Variants in MIPOL1 observed in about 807,000 individuals in gnomAD.
The protein encoded by MIPOL1 is mirror-image polydactyly gene 1 protein.
A neutral mutation model predicts 60.9 loss-of-function variants in MIPOL1; 57 were observed. The observed-to-expected ratio is 0.94, with a 90% CI of 0.76 to 1.17. The LOEUF (loss-of-function observed/expected upper bound fraction) is 1.17, where lower values mean the gene tolerates loss of function less well. Ranked by LOEUF, MIPOL1 falls within the 50% of genes most tolerant of loss-of-function variation. MIPOL1 has a pLI of 0.00. For missense variants in MIPOL1, 551 were observed against 511.6 expected (o/e 1.08, Z -0.74); for synonymous variants, 179 against 168.8 (o/e 1.06, Z -0.47).
rs547114644 is a variant in MIPOL1 at position 37,260,535 on chromosome 14, G to A, written c.20-6403G>A. ...GAAGAATAATTACATAGTTGTGGTT[G>A]GTAATTAACTTGGTGGTGATATTGA... On this transcript the variant is annotated intron_variant, in intron 3 of 12. Coordinates refer to ENST00000684589, the MANE Select transcript of MIPOL1 (RefSeq NM_001388067.1). Among the ~76,000 whole-genome samples, 9 of 152,184 alleles carry A rather than the reference G, an allele frequency of 5.9e-5. No homozygotes were observed. The South Asian group carries it at 1.0e-3, about 18-fold the overall frequency.
chr14:37,399,234 C>T (rs1449491905), intron 10 of MIPOL1, among the ~76,000 whole-genome samples: 1 of 152,106 alleles, frequency 6.6e-6, no homozygotes, highest in African/African-American at 2.4e-5. Context: ...TCATGTGACC[C>T]AAGGTAACAG....
chr14:37,285,652 C>T (rs1319467835), intron 7 of MIPOL1, among the ~76,000 whole-genome samples: 2 of 149,618 alleles, frequency 1.3e-5, no homozygotes, highest in South Asian at 2.1e-4. Context: ...AGTGCAGTGG[C>T]GCAATCTCAG....
At chr14:37,546,082 G>A (rs2095546292) in intron 12 of MIPOL1, 1 of 155,412 alleles carries the variant, frequency 6.4e-6, no homozygotes, top group Non-Finnish European at 1.4e-5. Context: ...ATCATCTTTT[G>A]TCAAGCATCT....
chr14:37,422,242 C>T (rs1397531312), intron 10 of MIPOL1, among the ~76,000 whole-genome samples: 1 of 151,862 alleles, frequency 6.6e-6, no homozygotes, highest in African/African-American at 2.4e-5. Context: ...CAATAATGCC[C>T]CTTTAATAAA....
At chr14:37,432,349 CT>C (rs2094086765) in intron 11 of MIPOL1, among the ~76,000 whole-genome samples, 1 of 152,140 alleles carries the variant, frequency 6.6e-6, no homozygotes. Context: ...TATAGCAAGA[CT>C]TTAGTAAATA....
chr14:37,459,067 G>T (rs2094509895), intron 11 of MIPOL1, among the ~76,000 whole-genome samples: 1 of 151,752 alleles, frequency 6.6e-6, no homozygotes, highest in East Asian at 1.9e-4. Flanking sequence ...AGATAAAAAG[G>T]TCTTGAATTA....
intron 6 of MIPOL1, among the ~76,000 whole-genome samples, chr14:37,280,446 A>G (rs187426409): frequency 1.3e-5 from 2 of 152,268 alleles, no homozygotes; most frequent in African/African-American, 4.8e-5. Context: ...ACATTGTGTA[A>G]TGGTTTGCTT....
intron 6 of MIPOL1, chr14:37,278,361 A>G (rs576806255): frequency 1.6e-4 from 24 of 151,834 alleles, no homozygotes; most frequent in African/African-American, 5.8e-4. Flanking sequence ...TGGTGGTTTT[A>G]TAAATGTTAA....
At chr14:37,422,746 G>GTTT in intron 10 of MIPOL1, 109 bp from the exon 11 acceptor site, 4 of 562,250 alleles carry the variant, frequency 7.1e-6, no homozygotes, top group South Asian at 2.4e-5. Context: ...ACATTCATAG[G>GTTT]TTTTTTTTTT....
intron 1 of MIPOL1, among the ~76,000 whole-genome samples, chr14:37,232,413 C>G (rs1970773508): frequency 6.6e-6 from 1 of 152,106 alleles, no homozygotes; most frequent in Admixed American, 6.5e-5. Context: ...TATAATTTGT[C>G]TCACATTTTT....
At chr14:37,353,159 A>G (rs2153474903) in intron 9 of MIPOL1, among the ~76,000 whole-genome samples, 1 of 145,844 alleles carries the variant, frequency 6.9e-6, no homozygotes, top group Middle Eastern at 3.4e-3. Context: ...ATCTATTGAG[A>G]TAATCATGTG....
chr14:37,297,982 C>A (rs564973808), intron 7 of MIPOL1, among the ~76,000 whole-genome samples: 26 of 152,190 alleles, frequency 1.7e-4, no homozygotes, highest in East Asian at 1.4e-3. Context: ...AAAAAGAGCC[C>A]GCATCGCCAA....
chr14:37,474,402 T>A lies in MIPOL1; in HGVS notation c.1032-25506T>A, dbSNP rs539191942. Among the ~76,000 whole-genome samples, 55 of 152,214 alleles carry A rather than the reference T, an allele frequency of 3.6e-4. No homozygotes were observed. The South Asian group carries it at 0.01, about 29-fold the overall frequency. On this transcript the variant is annotated intron_variant, in intron 11 of 12. Coordinates refer to ENST00000684589, the MANE Select transcript of MIPOL1 (RefSeq NM_001388067.1). The stretch of plus-strand genomic sequence containing the variant: ...AGGGGAGGGACCCGGTGGGAGGTAA[T>A]TGAATCATGGGAGCGGATTTTTACC...
intron 10 of MIPOL1, among the ~76,000 whole-genome samples, chr14:37,373,983 A>T (rs1269348407): frequency 6.6e-6 from 1 of 152,172 alleles, no homozygotes; most frequent in Non-Finnish European, 1.5e-5. Context: ...TAGTTGAACT[A>T]ATTTACACTC....
intron 11 of MIPOL1, among the ~76,000 whole-genome samples, chr14:37,426,766 A>G (rs1220883951): frequency 1.3e-5 from 2 of 151,586 alleles, no homozygotes; most frequent in Non-Finnish European, 2.9e-5. Flanking sequence ...TGAAGCACTC[A>G]GTTCTGAGCA....
chr14:37,389,947 T>C (rs1595546092), intron 10 of MIPOL1, among the ~76,000 whole-genome samples: 1 of 152,086 alleles, frequency 6.6e-6, no homozygotes. Context: ...ACACCTGTAA[T>C]CCCAATACTT....
intron 11 of MIPOL1, chr14:37,423,506 T>C (rs1335460072): frequency 1.3e-5 from 2 of 151,858 alleles, no homozygotes; most frequent in Non-Finnish European, 2.9e-5. Flanking sequence ...CTTATAGTAA[T>C]GGTAAACTTT....
chr14:37,299,383 T>C (rs1338952205), intron 7 of MIPOL1, among the ~76,000 whole-genome samples: 1 of 152,076 alleles, frequency 6.6e-6, no homozygotes, highest in Non-Finnish European at 1.5e-5. Flanking sequence ...GGCACATGTA[T>C]ACATATGTAA....
intron 7 of MIPOL1, among the ~76,000 whole-genome samples, chr14:37,297,299 G>A (rs1177014053): frequency 6.6e-6 from 1 of 152,096 alleles, no homozygotes; most frequent in Non-Finnish European, 1.5e-5. Flanking sequence ...TTGATGGGAT[G>A]TATCTCAAAA....
Sources: gnomAD v4.1 joint callset for allele counts (sites outside exome capture counted in the v4.1 genomes callset) on GRCh38, gnomAD v4.1.1 for gene constraint, MANE v1.5 for transcripts, NCBI Gene and HGNC (gene_info 2026-07-23, HGNC 2026-07-21) for gene names.